The following IKBKB variants were observed in gnomAD, a reference collection of about 807,000 sequenced individuals.
IKBKB encodes inhibitor of nuclear factor kappa B kinase subunit beta.
Under a neutral mutation model 113.6 loss-of-function variants are expected in IKBKB, and 42 were observed. The ratio of observed to expected loss-of-function variants is 0.37; its 90% confidence interval spans 0.29 to 0.48. The LOEUF (loss-of-function observed/expected upper bound fraction) is 0.48. Ranked by LOEUF, IKBKB falls within the 20% of genes least tolerant of loss-of-function variation. The pLI is 0.99. For synonymous variants in IKBKB, 296 were observed against 361.3 expected, an observed-to-expected ratio of 0.82 and a Z score of 2.05; for missense variants, 673 against 939.7, an observed-to-expected ratio of 0.72 and a Z score of 3.71.
At chr8:42,295,339 G>T (rs1366332514) in intron 5 of IKBKB, among the ~76,000 whole-genome samples, 2 of 152,042 alleles carry the variant, frequency 1.3e-5, no homozygotes, top group Non-Finnish European at 2.9e-5. Flanking sequence ...GGATGGTCTC[G>T]AACTCTTGAC....
chr8:42,331,186 T>A lies in IKBKB; in HGVS notation c.*207T>A. The A allele has an allele frequency of 1.2e-6, 1 of 822,732 alleles. No individual in the cohort carries two copies. The highest frequency in any genetic ancestry group is 2.0e-6 in the Non-Finnish European group (1 of 496,728). 51.0% of individuals were successfully genotyped at this position (822,732 alleles called of 1,614,324 possible). A position where few individuals can be genotyped will look rare whatever the true frequency, so the allele number is the denominator to read the frequency against. On this transcript the variant is annotated 3_prime_UTR_variant, in exon 22 of 22. Transcript: ENST00000520810. Reference sequence around the variant, plus strand: ...GGAGCTCTCGCTTCCTCAGCAGCTGTGACTTTCACCCAGGACCCAGGACGC... The same window carrying A: ...GGAGCTCTCGCTTCCTCAGCAGCTGAGACTTTCACCCAGGACCCAGGACGC...
chr8:42,288,274 C>CT (rs776669363), intron 2 of IKBKB, among the ~76,000 whole-genome samples: 3 of 152,120 alleles, frequency 2.0e-5, no homozygotes, highest in African/African-American at 4.8e-5. Context: ...GTAATCCCAG[C>CT]TACTCAGGAG....
At chr8:42,271,511 G>T in intron 1 of IKBKB, 42 bp downstream of exon 1, 2 of 660,384 alleles carry the variant, frequency 3.0e-6, no homozygotes, top group East Asian at 6.2e-5. Flanking sequence ...CCACCTGCAG[G>T]CCCCGCCGCC....
chr8:42,298,970 T>G (rs546236345), intron 5 of IKBKB, among the ~76,000 whole-genome samples: 1 of 152,114 alleles, frequency 6.6e-6, no homozygotes, highest in Non-Finnish European at 1.5e-5. Context: ...CCGCTGCTCC[T>G]CGACGTTCTG....
chr8:42,288,402 AAGAG>A (rs1351059667), intron 2 of IKBKB, among the ~76,000 whole-genome samples: 159 of 150,872 alleles, frequency 1.1e-3, no homozygotes, highest in African/African-American at 3.7e-3. Flanking sequence ...AAAAAAAAAA[AAGAG>A]AGAGAAAGAA....
chr8:42,303,530 G>A (rs953430160), intron 5 of IKBKB, among the ~76,000 whole-genome samples: 8 of 150,540 alleles, frequency 5.3e-5, no homozygotes, highest in African/African-American at 2.0e-4. Context: ...TTTAGGTAGA[G>A]TCTTACTCTG....
chr8:42,331,046 A>AC lies in IKBKB; in HGVS notation c.*72dup. ...AGGCCTTGTGCAGTGGGGGGACTCG[A>AC]CCCCCTGACATGGGGCTGCCTGGAG... On this transcript the variant is annotated 3_prime_UTR_variant, in exon 22 of 22. Coordinates refer to ENST00000520810, the MANE Select transcript of IKBKB (RefSeq NM_001556.3). 6.3e-7 allele frequency: 1 copy of AC among 1,592,230 alleles called. No homozygotes were observed.
At position 42,316,352 on chromosome 8, in the gene IKBKB, C is replaced by T; in HGVS notation, c.930+13C>T. The T allele has an allele frequency of 1.2e-6, 2 of 1,613,936 alleles. No homozygotes were observed. Among genetic ancestry groups the T allele is most frequent in the Non-Finnish European group, 1.7e-6 (2 of 1,179,908 alleles). ...CTTAAACTTAAAGGTGAGTGTGGAG[C>T]CAAGTTAGCCCTGAGGCAAAAGCTG... On this transcript the variant is annotated intron_variant, in intron 10 of 21. Coordinates refer to ENST00000520810, the MANE Select transcript of IKBKB (RefSeq NM_001556.3). This position sits in a 1 kb window ranked among gnomAD's most constrained non-coding sequence, Gnocchi z 4.5.
chr8:42,292,761 G>T (rs1408572715), intron 4 of IKBKB, among the ~76,000 whole-genome samples: 3 of 152,168 alleles, frequency 2.0e-5, no homozygotes, highest in Non-Finnish European at 4.4e-5. Context: ...GGGATTAAGG[G>T]CTTGGGCTTG....
At chr8:42,287,901 A>G (rs1811739254) in intron 2 of IKBKB, among the ~76,000 whole-genome samples, 1 of 152,216 alleles carries the variant, frequency 6.6e-6, no homozygotes, top group Admixed American at 6.5e-5. Context: ...AGGTTGAACC[A>G]CATGCAGGTG....
chr8:42,284,870 T>G (rs1233877414), intron 2 of IKBKB, among the ~76,000 whole-genome samples: 1 of 147,372 alleles, frequency 6.8e-6, no homozygotes, highest in Non-Finnish European at 1.5e-5. Flanking sequence ...TTTTTTTTTT[T>G]TTTTGAGACA....
Position 42,303,063 on chromosome 8 carries a change from GA to G in IKBKB, c.389-2123del, listed in dbSNP as rs1237954029. Reference sequence around the variant, plus strand: ...CCCCTCCCCGGCTTGCCGAGAGGGAGAGAGAGAGAGAGAGAGAGAGAGAGAG... The same window carrying G: ...CCCCTCCCCGGCTTGCCGAGAGGGAGGAGAGAGAGAGAGAGAGAGAGAGAG... On this transcript the variant is annotated intron_variant, in intron 5 of 21. Coordinates refer to ENST00000520810, the MANE Select transcript of IKBKB (RefSeq NM_001556.3). Among the ~76,000 whole-genome samples the G allele has an allele frequency of 5.4e-4, 57 of 105,618 alleles. 2 individuals are homozygous for G. Among genetic ancestry groups the G allele is most frequent in the African/African-American group, 2.8e-3 (50 of 17,792 alleles). 69.3% of individuals were successfully genotyped at this position (105,618 alleles called of 152,430 possible).
rs750193800 is a variant in IKBKB at position 42,316,194 on chromosome 8, A to G, written c.801-16A>G. On this transcript the variant is annotated splice_polypyrimidine_tract_variant and intron_variant, in intron 9 of 21. Transcript: ENST00000520810. The surrounding 1 kb of genome is among the most constrained non-coding windows in gnomAD (Gnocchi z 4.5). The stretch of plus-strand genomic sequence containing the variant: ...GGCTGGAAGTGTCTCCTCACACACT[A>G]TGCTCCTCTCCACAGTGTCCTGGCT... 17 of 1,613,362 alleles carry G rather than the reference A, an allele frequency of 1.1e-5. No individual in the cohort carries two copies. The highest frequency in any genetic ancestry group is 4.0e-5 in the African/African-American group (3 of 74,900).
chr8:42,272,039 T>C, intron 1 of IKBKB, 44 bp from the exon 2 acceptor site: 2 of 1,567,106 alleles, frequency 1.3e-6, no homozygotes, highest in African/African-American at 2.7e-5. Context: ...GCTCCATTTT[T>C]TTCTTAATCC....
At chr8:42,317,058 C>T in intron 11 of IKBKB, 154 bp downstream of exon 11, 1 of 741,894 alleles carries the variant, frequency 1.3e-6, no homozygotes, top group Non-Finnish European at 2.4e-6. Flanking sequence ...AGTATGGTGT[C>T]CTCTGTGTGG....
At chr8:42,296,326 A>T (rs1303344921) in intron 5 of IKBKB, among the ~76,000 whole-genome samples, 1 of 151,176 alleles carries the variant, frequency 6.6e-6, no homozygotes, top group Non-Finnish European at 1.5e-5. Flanking sequence ...GAGAAACCCC[A>T]TCTGTACTAA....
Position 42,331,786 on chromosome 8 carries a change from G to T in IKBKB, c.*807G>T. On this transcript the variant is annotated 3_prime_UTR_variant, in exon 22 of 22. Coordinates refer to ENST00000520810, the MANE Select transcript of IKBKB (RefSeq NM_001556.3). ...CAGAGGAGGGACAGAAAGGGTATCT[G>T]CTGACCACCAGCCTGCCTACCCATG... 1 of 301,268 alleles carries T rather than the reference G, an allele frequency of 3.3e-6. No individual in the cohort carries two copies. The highest frequency in any genetic ancestry group is 3.3e-5 in the South Asian group (1 of 30,014). The allele number at this position is 301,268 out of a possible 1,614,324, so 18.7% of individuals were successfully genotyped here.
At chr8:42,272,951 A>AC (rs1318404560) in intron 2 of IKBKB, among the ~76,000 whole-genome samples, 5 of 151,178 alleles carry the variant, frequency 3.3e-5, no homozygotes, top group African/African-American at 1.2e-4. Flanking sequence ...AAAAAAAAAA[A>AC]AAAAAAAAAA....
chr8:42,279,049 G>C (rs2130122786), intron 2 of IKBKB, among the ~76,000 whole-genome samples: 1 of 152,288 alleles, frequency 6.6e-6, no homozygotes, highest in African/African-American at 2.4e-5. Context: ...AGCGCTTAGT[G>C]GTGGAGTAGA....
Sources: gnomAD v4.1 joint callset for allele counts (sites outside exome capture counted in the v4.1 genomes callset) on GRCh38, gnomAD v4.1.1 for gene constraint, Gnocchi (gnomAD v3.1) non-coding constraint, MANE v1.5 for transcripts, NCBI Gene and HGNC (gene_info 2026-07-23, HGNC 2026-07-21) for gene names.